Variants in LRRTM4 observed in about 807,000 individuals in gnomAD.
LRRTM4 encodes the protein leucine rich repeat transmembrane neuronal 4.
A neutral mutation model predicts 47.6 loss-of-function variants in LRRTM4; 25 were observed. The ratio of observed to expected loss-of-function variants is 0.53; its 90% CI spans 0.38 to 0.73. LRRTM4 has a LOEUF of 0.73. Ranked by LOEUF, LRRTM4 falls within the 30% of genes least tolerant of loss-of-function variation. The probability of loss-of-function intolerance (pLI) is 0.00; values close to 1 mark genes in which losing one functional copy is unlikely to be tolerated. For synonymous variants in LRRTM4, 311 were observed against 269.5 expected (o/e 1.15, Z -1.51); for missense variants, 638 against 713.4 (o/e 0.89, Z 1.20).
At chr2:76,757,103 C>A (rs1260571436) in intron 3 of LRRTM4, among the ~76,000 whole-genome samples, 3 of 151,966 alleles carry the variant, frequency 2.0e-5, no homozygotes. Flanking sequence ...ATTTCCATTT[C>A]TTTTCTTATG....
At chr2:77,357,847 T>G (rs1489036255) in intron 3 of LRRTM4, among the ~76,000 whole-genome samples, 3 of 152,128 alleles carry the variant, frequency 2.0e-5, no homozygotes, top group African/African-American at 4.8e-5. Flanking sequence ...AAAATCTTAA[T>G]AAACAGAGAT....
Position 77,519,862 on chromosome 2 carries a change from A to C in LRRTM4, c.7T>G (p.Phe3Val), listed in dbSNP as rs1299033488. The C allele has an allele frequency of 2.5e-6, 4 of 1,581,076 alleles. No individual in the cohort carries two copies. The highest frequency in any genetic ancestry group is 2.3e-5 in the East Asian group (1 of 43,932). Residue 3 changes from phenylalanine (F) to valine (V), a missense_variant and splice_region_variant, in exon 3 of 4, where the codon TTC (phenylalanine) becomes GTC (valine). By Grantham distance (50) the Phe-to-Val change is conservative. Transcript: ENST00000409884. The surrounding 1 kb of genome is among the most constrained non-coding windows in gnomAD (Gnocchi z 4.6). The stretch of plus-strand genomic sequence containing the variant: ...CCTTTCAGCTGCGTAATTAAATGGA[A>C]ACCTACGATATTAAAAAAAAGACAG... MGFHLITQLKGMS... is the reference protein window; with the variant it reads MGVHLITQLKGMS...
intron 3 of LRRTM4, among the ~76,000 whole-genome samples, chr2:76,798,775 A>C (rs1399045074): frequency 6.6e-6 from 1 of 151,156 alleles, no homozygotes; most frequent in Non-Finnish European, 1.5e-5. Flanking sequence ...GGATATCACC[A>C]CCGATCCCAC....
intron 3 of LRRTM4, among the ~76,000 whole-genome samples, chr2:76,791,753 T>C (rs1266566877): frequency 6.6e-6 from 1 of 152,220 alleles, no homozygotes; most frequent in Non-Finnish European, 1.5e-5. Context: ...ATTCTACAGA[T>C]ATACAGCAGA....
intron 3 of LRRTM4, among the ~76,000 whole-genome samples, chr2:76,751,339 G>A (rs188901294): frequency 2.9e-4 from 44 of 151,644 alleles, no homozygotes; most frequent in African/African-American, 1.0e-3. Context: ...CTATTTTCAG[G>A]AAGTCTTTTA....
At chr2:77,450,981 C>A (rs539740477) in intron 3 of LRRTM4, among the ~76,000 whole-genome samples, 1 of 152,246 alleles carries the variant, frequency 6.6e-6, no homozygotes, top group South Asian at 2.1e-4. Flanking sequence ...GTATAACTTT[C>A]CAACTTATTT....
At position 76,991,191 on chromosome 2, in the gene LRRTM4, T is replaced by C. The variant is rs377528698; in HGVS notation, c.1552-242275A>G. Among the ~76,000 whole-genome samples, 17 of 151,648 alleles carry C rather than the reference T, an allele frequency of 1.1e-4. 1 individual carries two copies. The highest frequency in any genetic ancestry group is 4.1e-4 in the African/African-American group (17 of 41,446). ...AGTCATAGATGCCTACATCAAGAAG[T>C]TAGAAAGATCTCAAATTAATGATCT... is the stretch of plus-strand genomic sequence containing the variant. On this transcript the variant is annotated intron_variant, in intron 3 of 3. Coordinates refer to ENST00000409884, the MANE Select transcript of LRRTM4 (RefSeq NM_001134745.3).
intron 3 of LRRTM4, among the ~76,000 whole-genome samples, chr2:76,806,807 A>G (rs2103797455): frequency 6.6e-6 from 1 of 152,276 alleles, no homozygotes; most frequent in South Asian, 2.1e-4. Context: ...ATAATGACAT[A>G]TAGCCGATTA....
chr2:76,814,806 TACACACAC>T (rs111468624), intron 3 of LRRTM4, among the ~76,000 whole-genome samples: 21 of 52,658 alleles, frequency 4.0e-4, no homozygotes, highest in Admixed American at 5.9e-4. Flanking sequence ...CACACACACA[TACACACAC>T]ACACACACAC....
At chr2:77,151,108 C>T (rs943521737) in intron 3 of LRRTM4, among the ~76,000 whole-genome samples, 12 of 150,996 alleles carry the variant, frequency 7.9e-5, no homozygotes, top group African/African-American at 2.2e-4. Flanking sequence ...GACTAGACTA[C>T]GTCCGTGTAT....
intron 3 of LRRTM4, among the ~76,000 whole-genome samples, chr2:77,373,208 A>G (rs1672716320): frequency 6.6e-6 from 1 of 150,856 alleles, no homozygotes; most frequent in Non-Finnish European, 1.5e-5. Context: ...TAGAATTTCA[A>G]TTGATAGGCA....
chr2:77,081,728 T>C (rs1680541132), intron 3 of LRRTM4, among the ~76,000 whole-genome samples: 4 of 152,296 alleles, frequency 2.6e-5, no homozygotes, highest in South Asian at 2.1e-4. Context: ...TTTTAAAAAA[T>C]TGTTCTAGAC....
At chr2:76,903,518 A>T (rs1252187626) in intron 3 of LRRTM4, among the ~76,000 whole-genome samples, 2 of 152,084 alleles carry the variant, frequency 1.3e-5, no homozygotes, top group Non-Finnish European at 2.9e-5. Flanking sequence ...CCTGGGCCAC[A>T]GAGCAAGATT....
intron 3 of LRRTM4, among the ~76,000 whole-genome samples, chr2:77,115,965 C>G (rs934123692): frequency 4.6e-5 from 7 of 152,126 alleles, no homozygotes; most frequent in Non-Finnish European, 7.4e-5. Context: ...TGTTGTACTT[C>G]CTGAACCTTG....
chr2:76,791,626 A>G (rs1674978089), intron 3 of LRRTM4, among the ~76,000 whole-genome samples: 1 of 152,214 alleles, frequency 6.6e-6, no homozygotes, highest in South Asian at 2.1e-4. Context: ...TCAGAATTAT[A>G]CACAAAACTT....
intron 3 of LRRTM4, among the ~76,000 whole-genome samples, chr2:77,452,474 C>T (rs867936057): frequency 7.2e-5 from 11 of 152,146 alleles, no homozygotes; most frequent in Middle Eastern, 6.8e-3. Context: ...TAAGAGGAAG[C>T]GCAGGACAGA....
At chr2:76,982,099 CTACTA>C (rs1400716287) in intron 3 of LRRTM4, among the ~76,000 whole-genome samples, 1 of 152,060 alleles carries the variant, frequency 6.6e-6, no homozygotes, top group African/African-American at 2.4e-5. Context: ...AGGCCATACT[CTACTA>C]TGTGTCCATG....
At chr2:76,850,879 CA>C (rs1268459757) in intron 3 of LRRTM4, among the ~76,000 whole-genome samples, 10 of 152,170 alleles carry the variant, frequency 6.6e-5, no homozygotes, top group African/African-American at 2.2e-4. Context: ...AGAAATGGAT[CA>C]AATATCCTAC....
In LRRTM4 at chr2:76,782,008, TTAAA is replaced by T. The variant is rs367885169; in HGVS notation, c.1552-33096_1552-33093del. ...ATTGTCAAACCATCCTTTGCTGACA[TTAAA>T]TACTCAGGCTTTAGATCTTTCACCT... is the stretch of plus-strand genomic sequence containing the variant. On this transcript the variant is annotated intron_variant, in intron 3 of 3. Coordinates refer to ENST00000409884, the MANE Select transcript of LRRTM4 (RefSeq NM_001134745.3). Among the ~76,000 whole-genome samples, 463 of 152,312 alleles carry T rather than the reference TTAAA, an allele frequency of 3.0e-3. 2 individuals carry two copies. Among genetic ancestry groups the T allele is most frequent in the African/African-American group, 0.011 (441 of 41,586 alleles).
Sources: gnomAD v4.1 joint callset for allele counts (sites outside exome capture counted in the v4.1 genomes callset) on GRCh38, gnomAD v4.1.1 for gene constraint, Gnocchi (gnomAD v3.1) non-coding constraint, MANE v1.5 for transcripts, NCBI Gene and HGNC (gene_info 2026-07-23, HGNC 2026-07-21) for gene names.